The following ZFX variants were observed in gnomAD, a reference collection of about 807,000 sequenced individuals.
ZFX encodes zinc finger X-chromosomal protein.
For missense variants in ZFX, 362 were observed against 628.3 expected (o/e 0.58, Z 4.53); for synonymous variants, 196 against 226.8 (o/e 0.86, Z 1.22).
In ZFX at chrX:24,205,097, A is replaced by G. The variant is rs1937522746; in HGVS notation, c.647-2229A>G. 2.7e-5 allele frequency among the ~76,000 whole-genome samples: 3 copies of G among 112,274 alleles called. No individual in the cohort carries two copies. In the Admixed American group the frequency reaches 2.8e-4, roughly 11 times the overall value. On this transcript the variant is annotated intron_variant, in intron 5 of 9. Transcript: ENST00000304543. ...CAGATATGTCTAGCAGAGGAACACC[A>G]GAAAGGGAACTAAAAGGGCAAAGGG...
chrX:24,207,531 A>G (rs545311577), intron 6 of ZFX, 56 bp downstream of exon 6: 2 of 1,165,820 alleles, frequency 1.7e-6, no homozygotes, highest in Middle Eastern at 3.3e-4. Context: ...CAGCCTGATT[A>G]CTTTTGGGTT....
At chrX:24,195,315 T>C (rs1273164683) in intron 5 of ZFX, among the ~76,000 whole-genome samples, 2 of 109,009 alleles carry the variant, frequency 1.8e-5, no homozygotes, top group African/African-American at 6.7e-5. Context: ...TGCCTCAGTC[T>C]CCTGAGTACC....
intron 3 of ZFX, among the ~76,000 whole-genome samples, chrX:24,164,179 A>G (rs1933765832): frequency 9.0e-6 from 1 of 110,935 alleles, no homozygotes; most frequent in Non-Finnish European, 1.9e-5. Flanking sequence ...CTGATACTCA[A>G]CCTGGAGCAT....
chrX:24,210,281 A>G lies in ZFX; in HGVS notation c.1323A>G (p.Lys441=). The stretch of plus-strand genomic sequence containing the variant: ...AGTTTAAGTCGAGAGGTTTTTTGAA[A>G]AGGCACATGAAAAACCATCCCGAAC... The part of the protein sequence containing the change: ...GKKFKSRGFL[K]RHMKNHPEHL... Residue 441 remains lysine, a synonymous_variant, in exon 10 of 10, where the codon AAA becomes AAG. Transcript: ENST00000304543. 8.3e-7 allele frequency: 1 copy of G among 1,211,618 alleles called. No individual in the cohort carries two copies. The highest frequency in any genetic ancestry group is 1.1e-6 in the Non-Finnish European group (1 of 895,555).
intron 3 of ZFX, among the ~76,000 whole-genome samples, chrX:24,159,567 C>G (rs1236312753): frequency 9.0e-6 from 1 of 111,219 alleles, no homozygotes; most frequent in Non-Finnish European, 1.9e-5. Flanking sequence ...CTCTGCCTCC[C>G]TGGTTCAAGT....
intron 3 of ZFX, among the ~76,000 whole-genome samples, chrX:24,168,642 A>G (rs1283885172): frequency 2.9e-5 from 3 of 104,465 alleles, no homozygotes; most frequent in Non-Finnish European, 5.8e-5. Flanking sequence ...TATTTCCCTC[A>G]AAACTATATG....
Position 24,215,815 on chromosome X carries a change from A to G in ZFX, c.*4439A>G, listed in dbSNP as rs1214722828. 1.9e-5 allele frequency: 2 copies of G among 104,643 alleles called. No individual in the cohort carries two copies. 8.6% of individuals were successfully genotyped at this position (104,643 alleles called of 1,213,427 possible). On this transcript the variant is annotated 3_prime_UTR_variant, in exon 10 of 10. Coordinates refer to ENST00000304543, the MANE Select transcript of ZFX (RefSeq NM_003410.4). Reference sequence around the variant, plus strand: ...GTAAACTGAGTTGAGAGGAAGATTCAGCATTTAAAAGAGAAGGGTTGAAAA... The same window carrying G: ...GTAAACTGAGTTGAGAGGAAGATTCGGCATTTAAAAGAGAAGGGTTGAAAA...
intron 1 of ZFX, chrX:24,150,366 C>A (rs1299418488): frequency 2.7e-5 from 3 of 111,174 alleles, no homozygotes; most frequent in Non-Finnish European, 5.7e-5. Flanking sequence ...GTGACGGGCC[C>A]CGGAGGCCCG....
chrX:24,208,628 TTA>T (rs981850949), intron 8 of ZFX, among the ~76,000 whole-genome samples: 12 of 112,254 alleles, frequency 1.1e-4, no homozygotes, highest in African/African-American at 3.9e-4. Context: ...TTCATCTTGA[TTA>T]TGTTTGGCCC....
At position 24,212,308 on chromosome X, in the gene ZFX, A is replaced by G. The variant is rs1938147260; in HGVS notation, c.*932A>G. 8.9e-6 allele frequency: 1 copy of G among 112,060 alleles called. No homozygotes were observed. The highest frequency in any genetic ancestry group is 9.6e-5 in the Admixed American group (1 of 10,452). The allele number at this position is 112,060 out of a possible 1,213,427, so 9.2% of individuals were successfully genotyped here. ...CATATTTATACACACAACCCCAAGT[A>G]GTAGTTGTTTAAAATCTATAATGAA... On this transcript the variant is annotated 3_prime_UTR_variant, in exon 10 of 10. Coordinates refer to ENST00000304543, the MANE Select transcript of ZFX (RefSeq NM_003410.4).
chrX:24,175,907 C>A (rs1266952653), intron 4 of ZFX, among the ~76,000 whole-genome samples: 11 of 110,576 alleles, frequency 9.9e-5, no homozygotes, highest in Non-Finnish European at 2.1e-4. Flanking sequence ...AGTGCTCTTG[C>A]CACTAGATGC....
chrX:24,159,471 A>G (rs1156784220), intron 3 of ZFX, among the ~76,000 whole-genome samples: 1 of 110,410 alleles, frequency 9.1e-6, no homozygotes, highest in African/African-American at 3.3e-5. Flanking sequence ...AATAGAGACA[A>G]TCTGTTTCTT....
intron 3 of ZFX, among the ~76,000 whole-genome samples, chrX:24,163,417 G>C (rs144401187): frequency 1.4e-5 from 1 of 73,748 alleles, no homozygotes; most frequent in Non-Finnish European, 2.4e-5. Context: ...TCACTCTGTC[G>C]CCCAGGCTGG....
chrX:24,158,329 G>A (rs1185882629), intron 3 of ZFX, among the ~76,000 whole-genome samples: 1 of 110,013 alleles, frequency 9.1e-6, no homozygotes, highest in African/African-American at 3.3e-5. Context: ...CGAGACGGGT[G>A]GACTTTGTCT....
At chrX:24,174,395 A>AT (rs1242254864) in intron 4 of ZFX, among the ~76,000 whole-genome samples, 5 of 81,954 alleles carry the variant, frequency 6.1e-5, no homozygotes, top group Admixed American at 3.0e-4. Flanking sequence ...TTTAAATTAA[A>AT]ATTTTTTTTT....
At chrX:24,195,653 C>T (rs5949240) in intron 5 of ZFX, among the ~76,000 whole-genome samples, 3,356 of 112,079 alleles carry the variant, frequency 0.03, 56 homozygotes, top group Middle Eastern at 0.065. Flanking sequence ...CCATGCCCGG[C>T]GTGCCCGGCT....
intron 3 of ZFX, among the ~76,000 whole-genome samples, chrX:24,164,353 C>T (rs1340273734): frequency 9.0e-6 from 1 of 111,724 alleles, no homozygotes; most frequent in Admixed American, 9.6e-5. Context: ...TGTAAAAATA[C>T]CCCACAATTC....
intron 5 of ZFX, among the ~76,000 whole-genome samples, chrX:24,191,366 T>C (rs1354475010): frequency 9.0e-6 from 1 of 111,472 alleles, no homozygotes; most frequent in African/African-American, 3.3e-5. Flanking sequence ...TCAAGTCTCT[T>C]ATAGGCTATA....
chrX:24,161,357 C>G lies in ZFX; in HGVS notation c.-29+8527C>G, dbSNP rs769908748. 1.4e-4 allele frequency among the ~76,000 whole-genome samples: 16 copies of G among 112,422 alleles called. No homozygotes were observed. The East Asian group carries it at 4.4e-3, about 31-fold the overall frequency. The stretch of plus-strand genomic sequence containing the variant: ...AATAAATATCTCAATAGGGCTGTTG[C>G]TGCTGCCACTGCTGCTTTTTTTTCT... On this transcript the variant is annotated intron_variant, in intron 3 of 9. Coordinates refer to ENST00000304543, the MANE Select transcript of ZFX (RefSeq NM_003410.4).
Sources: gnomAD v4.1 joint callset for allele counts (sites outside exome capture counted in the v4.1 genomes callset) on GRCh38, gnomAD v4.1.1 for gene constraint, MANE v1.5 for transcripts, NCBI Gene and HGNC (gene_info 2026-07-23, HGNC 2026-07-21) for gene names.